The following LOXHD1 variants were observed in gnomAD, a reference collection of about 807,000 sequenced individuals.
LOXHD1 encodes the protein lipoxygenase homology PLAT domains 1.
Under a neutral mutation model 248.2 loss-of-function variants are expected in LOXHD1, and 205 were observed. The observed-to-expected ratio is 0.83, with a 90% confidence interval of 0.74 to 0.93. LOXHD1 has a LOEUF of 0.93. Ranked by LOEUF, LOXHD1 falls within the 40% of genes least tolerant of loss-of-function variation. The pLI is 0.00. For synonymous variants in LOXHD1, 1,113 were observed against 1,162.8 expected (o/e 0.96, Z 0.87); for missense variants, 2,930 against 2,971.6 (o/e 0.99, Z 0.33).
chr18:46,646,416 G>A (rs1427119946), intron 2 of LOXHD1, among the ~76,000 whole-genome samples: 3 of 152,192 alleles, frequency 2.0e-5, no homozygotes, highest in Non-Finnish European at 1.5e-5. Flanking sequence ...TAGATAGCAA[G>A]GACCATGTCC....
At chr18:46,605,992 C>T (rs1038222808) in intron 6 of LOXHD1, among the ~76,000 whole-genome samples, 9 of 152,086 alleles carry the variant, frequency 5.9e-5, no homozygotes, top group African/African-American at 2.2e-4. Context: ...CTGGAAAGAA[C>T]CTAATGTGGG....
At chr18:46,486,026 T>C (rs529340341) in intron 38 of LOXHD1, among the ~76,000 whole-genome samples, 1 of 152,146 alleles carries the variant, frequency 6.6e-6, no homozygotes, top group South Asian at 2.1e-4. Flanking sequence ...CTTCTCATCC[T>C]TACTCAAAAG....
At chr18:46,607,938 T>C (rs2038442469) in intron 6 of LOXHD1, among the ~76,000 whole-genome samples, 1 of 151,622 alleles carries the variant, frequency 6.6e-6, no homozygotes, top group South Asian at 2.1e-4. Flanking sequence ...TATAAATAAA[T>C]TAATTACAAA....
intron 6 of LOXHD1, among the ~76,000 whole-genome samples, chr18:46,610,373 G>A (rs1326870918): frequency 6.6e-6 from 1 of 151,460 alleles, no homozygotes; most frequent in Non-Finnish European, 1.5e-5. Context: ...ACACAGGGCG[G>A]GGAACATCAC....
chr18:46,509,236 G>C (rs1035261787), intron 35 of LOXHD1, among the ~76,000 whole-genome samples: 1 of 152,102 alleles, frequency 6.6e-6, no homozygotes, highest in Non-Finnish European at 1.5e-5. Flanking sequence ...GGGTGCTGAC[G>C]GCCAAGCTCA....
chr18:46,547,048 G>T lies in LOXHD1; in HGVS notation c.3361C>A (p.Pro1121Thr). Residue 1121 changes from proline to threonine, a missense_variant, in exon 22 of 41, where the codon CCA becomes ACA. Pro to Thr is a conservative substitution (Grantham distance 38). Transcript: ENST00000642948. The stretch of plus-strand genomic sequence containing the variant: ...TCCACTGCCAGCCAACGTTGGCATG[G>T]AAAGTAGTACCTGTGGGGGTGGATA... ...DMNNEITYYF[P>T]CQRWLAVEED... 6.4e-7 allele frequency: 1 copy of T among 1,551,804 alleles called. No homozygotes were observed. The highest frequency in any genetic ancestry group is 8.7e-7 in the Non-Finnish European group (1 of 1,147,012).
chr18:46,640,009 A>C (rs1395555443), intron 3 of LOXHD1, among the ~76,000 whole-genome samples: 1 of 152,162 alleles, frequency 6.6e-6, no homozygotes, highest in Non-Finnish European at 1.5e-5. Flanking sequence ...ACACTGTTAT[A>C]TTGCATGCAA....
chr18:46,595,409 C>T (rs913556352), intron 8 of LOXHD1, among the ~76,000 whole-genome samples: 14 of 152,142 alleles, frequency 9.2e-5, no homozygotes, highest in African/African-American at 3.4e-4. Context: ...GGCAGTAGCC[C>T]CCTCAAACAT....
chr18:46,524,218 T>A (rs1379834091), intron 31 of LOXHD1, among the ~76,000 whole-genome samples: 1 of 152,208 alleles, frequency 6.6e-6, no homozygotes, highest in Non-Finnish European at 1.5e-5. Context: ...AGGTAAGGGA[T>A]GTTCATTCTC....
chr18:46,641,847 C>T, intron 3 of LOXHD1, 109 bp downstream of exon 3: 3 of 1,092,310 alleles, frequency 2.7e-6, no homozygotes, highest in East Asian at 5.3e-5. Context: ...CTTTGGTAGC[C>T]CCTCAAATAA....
At chr18:46,490,158 G>A (rs2033361873) in intron 37 of LOXHD1, among the ~76,000 whole-genome samples, 2 of 152,160 alleles carry the variant, frequency 1.3e-5, no homozygotes, top group Admixed American at 1.3e-4. Context: ...ACAACCAAAG[G>A]ACCCCAGGCA....
intron 38 of LOXHD1, 29 bp from the exon 39 acceptor site, chr18:46,485,180 G>A: frequency 6.5e-7 from 1 of 1,539,498 alleles, no homozygotes. Context: ...GGGAGGGTCA[G>A]CACAGGGGAA....
At chr18:46,528,270 A>G (rs543722483) in intron 29 of LOXHD1, among the ~76,000 whole-genome samples, 1 of 152,194 alleles carries the variant, frequency 6.6e-6, no homozygotes, top group Non-Finnish European at 1.5e-5. Context: ...TGGGGATTTC[A>G]GGCAGATTTC....
chr18:46,501,322 C>T (rs966036145), intron 37 of LOXHD1, among the ~76,000 whole-genome samples: 6 of 152,182 alleles, frequency 3.9e-5, no homozygotes, highest in Non-Finnish European at 7.3e-5. Flanking sequence ...ATCTCTCATG[C>T]CATAAACAAT....
chr18:46,479,664 G>A (rs1276927503), intron 40 of LOXHD1, among the ~76,000 whole-genome samples: 1 of 151,524 alleles, frequency 6.6e-6, no homozygotes, highest in Non-Finnish European at 1.5e-5. Context: ...TTGAAAACAA[G>A]CTGTCTTGGT....
intron 22 of LOXHD1, 148 bp from the exon 23 acceptor site, chr18:46,545,569 G>T (rs1019289201): frequency 6.7e-6 from 4 of 596,176 alleles, no homozygotes; most frequent in South Asian, 3.9e-5. Flanking sequence ...CTTCAATCCT[G>T]TATCTGTGAG....
chr18:46,526,533 G>A (rs2035838516), intron 29 of LOXHD1, among the ~76,000 whole-genome samples: 1 of 152,242 alleles, frequency 6.6e-6, no homozygotes, highest in African/African-American at 2.4e-5. Context: ...AAGATGCTGA[G>A]GTAGAAGAGA....
chr18:46,514,023 C>T (rs2144025166), intron 34 of LOXHD1, among the ~76,000 whole-genome samples: 1 of 152,272 alleles, frequency 6.6e-6, no homozygotes, highest in Non-Finnish European at 1.5e-5. Context: ...ATCTGGGCTC[C>T]TTAGGGACCA....
At chr18:46,597,164 C>T (rs2038268549) in intron 8 of LOXHD1, among the ~76,000 whole-genome samples, 1 of 152,064 alleles carries the variant, frequency 6.6e-6, no homozygotes, top group African/African-American at 2.4e-5. Flanking sequence ...TTAGAGATTT[C>T]TAAGGTCCTT....
Sources: gnomAD v4.1 joint callset for allele counts (sites outside exome capture counted in the v4.1 genomes callset) on GRCh38, gnomAD v4.1.1 for gene constraint, MANE v1.5 for transcripts, NCBI Gene and HGNC (gene_info 2026-07-23, HGNC 2026-07-21) for gene names.